RNF43: variants seen among roughly 807,000 people sequenced by gnomAD.
RNF43 encodes the protein ring finger protein 43, also known as E3 ubiquitin-protein ligase RNF43.
In RNF43, 37 loss-of-function variants were observed where a neutral mutation model predicts 78.4. The ratio of observed to expected loss-of-function variants is 0.47; its 90% CI spans 0.36 to 0.62. The LOEUF (loss-of-function observed/expected upper bound fraction) is 0.62. RNF43 is among the 20% of genes least tolerant of loss of function. The pLI is 0.00. For missense variants in RNF43, 774 were observed against 1,007.9 expected (o/e 0.77, Z 3.14); for synonymous variants, 347 against 395.0 (o/e 0.88, Z 1.44).
At chr17:58,387,788 T>A (rs993114192) in intron 2 of RNF43, among the ~76,000 whole-genome samples, 18 of 152,198 alleles carry the variant, frequency 1.2e-4, no homozygotes, top group Admixed American at 6.5e-5. Context: ...TGAATATGGC[T>A]CAGCTAAGAT....
chr17:58,402,476 A>T (rs1290401769), intron 2 of RNF43, among the ~76,000 whole-genome samples: 1 of 152,176 alleles, frequency 6.6e-6, no homozygotes, highest in African/African-American at 2.4e-5. Flanking sequence ...TAATCTGCTC[A>T]AGGAAGGAAA....
In RNF43 at chr17:58,363,212, G is replaced by A. The variant is rs561283991; in HGVS notation, c.582+63C>T. 30 of 1,590,316 alleles carry A rather than the reference G, an allele frequency of 1.9e-5. No homozygotes were observed. The African/African-American group carries it at 2.7e-4, about 14-fold the overall frequency. On this transcript the variant is annotated intron_variant, in intron 5 of 9. Transcript: ENST00000407977. ...CCAGGAGTCTAAGGGCTTTTGGTGG[G>A]AGTTGCCACAGGACAAAGTAGGGCT...
Position 58,390,011 on chromosome 17 carries a change from T to A in RNF43, c.253-18978A>T, listed in dbSNP as rs531437730. On this transcript the variant is annotated intron_variant, in intron 2 of 9. Coordinates refer to ENST00000407977, the MANE Select transcript of RNF43 (RefSeq NM_017763.6). Reference sequence around the variant, plus strand: ...AAAGAAAGGATACACTGCTTATCTCTGCAGTTGGTAAATCAGAAGCAGAGC... The same window carrying A: ...AAAGAAAGGATACACTGCTTATCTCAGCAGTTGGTAAATCAGAAGCAGAGC... Among the ~76,000 whole-genome samples the A allele has an allele frequency of 4.6e-5, 7 of 152,362 alleles. No homozygotes were observed. In the South Asian group the frequency reaches 1.2e-3, roughly 27 times the overall value.
chr17:58,359,818 C>T (rs939060721), intron 8 of RNF43, among the ~76,000 whole-genome samples: 13 of 151,380 alleles, frequency 8.6e-5, no homozygotes, highest in Admixed American at 2.0e-4. Flanking sequence ...CTCAGCTACT[C>T]GGGAGGCTGA....
chr17:58,376,361 T>C (rs972212454), intron 2 of RNF43, among the ~76,000 whole-genome samples: 1 of 99,624 alleles, frequency 1.0e-5, no homozygotes, highest in Admixed American at 1.1e-4. Flanking sequence ...ACCTTGGTGT[T>C]AGATTTGATA....
intron 3 of RNF43, among the ~76,000 whole-genome samples, chr17:58,370,436 C>T (rs559549842): frequency 9.5e-4 from 145 of 152,282 alleles, no homozygotes; most frequent in Non-Finnish European, 1.8e-3. Context: ...ATTGAAAAGT[C>T]GCTGTGAGGG....
rs1972628716 is a variant in RNF43 at position 58,353,981 on chromosome 17, T to C, written c.*962A>G. On this transcript the variant is annotated 3_prime_UTR_variant, in exon 10 of 10. Transcript: ENST00000407977. ...ACTTGTGCTCTAATCCACTCTCCTG[T>C]GGGTCCCTGGCCTGTATGGCTTATA... 1 of 186,910 alleles carries C rather than the reference T, an allele frequency of 5.4e-6. No homozygotes were observed. The highest frequency in any genetic ancestry group is 1.1e-5 in the Non-Finnish European group (1 of 88,284). 11.6% of individuals were successfully genotyped at this position (186,910 alleles called of 1,614,324 possible).
At chr17:58,383,666 G>A (rs1973369705) in intron 2 of RNF43, among the ~76,000 whole-genome samples, 1 of 152,056 alleles carries the variant, frequency 6.6e-6, no homozygotes, top group Non-Finnish European at 1.5e-5. Flanking sequence ...TGCCCAGGCT[G>A]GAGTGCAATG....
In RNF43 at chr17:58,354,416, G is replaced by GA. The variant is rs1205311402; in HGVS notation, c.*526dup. ...GCTACTGGTCCTTTTGGCAAAAAAG[G>GA]AAAATGATAGAGCCAGGGTTGCCCC... On this transcript the variant is annotated 3_prime_UTR_variant, in exon 10 of 10. Transcript: ENST00000407977. 4 of 232,658 alleles carry GA rather than the reference G, an allele frequency of 1.7e-5. No individual in the cohort carries two copies. The highest frequency in any genetic ancestry group is 8.9e-5 in the African/African-American group (4 of 45,128). 14.4% of individuals were successfully genotyped at this position (232,658 alleles called of 1,614,324 possible).
At chr17:58,379,086 A>G (rs995939957) in intron 2 of RNF43, among the ~76,000 whole-genome samples, 1 of 152,162 alleles carries the variant, frequency 6.6e-6, no homozygotes, top group Non-Finnish European at 1.5e-5. Flanking sequence ...GTCAACACCC[A>G]GTTAAAGGAG....
intron 3 of RNF43, 63 bp downstream of exon 3, chr17:58,370,848 G>T: frequency 6.9e-7 from 1 of 1,453,196 alleles, no homozygotes; most frequent in Non-Finnish European, 9.2e-7. Context: ...AGAGCACAGG[G>T]TCTTCTCACA....
chr17:58,354,941 T>C lies in RNF43; in HGVS notation c.*2A>G. 1 of 1,613,968 alleles carries C rather than the reference T, an allele frequency of 6.2e-7. No homozygotes were observed. The highest frequency in any genetic ancestry group is 8.5e-7 in the Non-Finnish European group (1 of 1,179,854). On this transcript the variant is annotated 3_prime_UTR_variant, in exon 10 of 10. Coordinates refer to ENST00000407977, the MANE Select transcript of RNF43 (RefSeq NM_017763.6). ...TCTTGGTTGGAGCTAGGCCTGAACATCTCACACAGCCTGTTCACACAGCTC... is the reference window on the plus strand; with the variant it reads ...TCTTGGTTGGAGCTAGGCCTGAACACCTCACACAGCCTGTTCACACAGCTC...
intron 2 of RNF43, among the ~76,000 whole-genome samples, chr17:58,372,450 G>C (rs929919689): frequency 1.3e-5 from 2 of 152,160 alleles, no homozygotes; most frequent in Non-Finnish European, 1.5e-5. Context: ...AAAAGGCTGG[G>C]GCATGAGGGT....
At chr17:58,409,445 G>GA (rs959112585) in intron 2 of RNF43, among the ~76,000 whole-genome samples, 5 of 151,870 alleles carry the variant, frequency 3.3e-5, no homozygotes, top group African/African-American at 7.3e-5. Flanking sequence ...GGATAAAAGG[G>GA]AAAAAAACAT....
intron 2 of RNF43, among the ~76,000 whole-genome samples, chr17:58,380,891 A>G (rs1036701898): frequency 6.6e-6 from 1 of 152,216 alleles, no homozygotes; most frequent in African/African-American, 2.4e-5. Context: ...GTCTTCCACA[A>G]CTGGCTTGCC....
chr17:58,406,445 G>T (rs1266645485), intron 2 of RNF43, among the ~76,000 whole-genome samples: 1 of 152,088 alleles, frequency 6.6e-6, no homozygotes. Context: ...GAAATTTGAT[G>T]ATTATATTTC....
chr17:58,363,559 A>G lies in RNF43; in HGVS notation c.417T>C (p.Phe139=). Residue 139 remains phenylalanine, a synonymous_variant, in exon 4 of 10, where the codon TTT becomes TTC. Coordinates refer to ENST00000407977, the MANE Select transcript of RNF43 (RefSeq NM_017763.6). ...CAGCAGCTCGATCCTCAGTGATGTCAAAGAGGACAGCACTGGCTCCTCGCT... is the reference window on the plus strand; with the variant it reads ...CAGCAGCTCGATCCTCAGTGATGTCGAAGAGGACAGCACTGGCTCCTCGCT... The part of the protein sequence containing the change: ...AGERGASAVL[F]DITEDRAAAE... 1 of 1,612,796 alleles carries G rather than the reference A, an allele frequency of 6.2e-7. No homozygotes were observed. The highest frequency in any genetic ancestry group is 8.5e-7 in the Non-Finnish European group (1 of 1,179,066).
intron 2 of RNF43, among the ~76,000 whole-genome samples, chr17:58,401,070 G>T (rs374196130): frequency 1.5e-5 from 1 of 66,222 alleles, no homozygotes; most frequent in Non-Finnish European, 3.9e-5. Flanking sequence ...TTGCATGGTG[G>T]TCTGACTTCA....
chr17:58,415,046 T>C (rs1161982963), intron 2 of RNF43, among the ~76,000 whole-genome samples: 1 of 152,038 alleles, frequency 6.6e-6, no homozygotes, highest in Non-Finnish European at 1.5e-5. Flanking sequence ...CCAGAATATA[T>C]CACTTGAAAA....
Sources: allele counts gnomAD v4.1 joint callset (sites outside exome capture counted in the v4.1 genomes callset), GRCh38; gene constraint gnomAD v4.1.1; transcripts MANE v1.5; gene names NCBI Gene and HGNC (gene_info 2026-07-23, HGNC 2026-07-21).